The following NDEL1 variants were observed in gnomAD, a reference collection of about 807,000 sequenced individuals.
NDEL1 encodes the protein nuclear distribution protein nudE-like 1.
Under a neutral mutation model 45.7 loss-of-function variants are expected in NDEL1, and 9 were observed. The ratio of observed to expected loss-of-function variants is 0.20; its 90% CI spans 0.12 to 0.34. The LOEUF (loss-of-function observed/expected upper bound fraction) is 0.34. NDEL1 is among the 10% of genes least tolerant of loss of function. NDEL1 has a pLI of 1.00. For synonymous variants in NDEL1, 133 were observed against 158.6 expected (o/e 0.84, Z 1.21); for missense variants, 306 against 406.2 (o/e 0.75, Z 2.12).
chr17:8,459,453 G>T (rs1911058296), intron 7 of NDEL1, among the ~76,000 whole-genome samples: 1 of 152,244 alleles, frequency 6.6e-6, no homozygotes, highest in South Asian at 2.1e-4. Flanking sequence ...CAGACAAAGG[G>T]TATCAGTTAA....
chr17:8,469,494 G>A (rs1358065194), downstream of NDEL1, among the ~76,000 whole-genome samples: 1 of 152,154 alleles, frequency 6.6e-6, no homozygotes, highest in Non-Finnish European at 1.5e-5. Flanking sequence ...TGGAGGAAGG[G>A]CCCTGGCTAC....
chr17:8,448,428 TTTGA>T (rs1448382751), intron 4 of NDEL1, 118 bp from the exon 5 acceptor site: 9 of 1,044,210 alleles, frequency 8.6e-6, no homozygotes, highest in Non-Finnish European at 1.2e-5. Flanking sequence ...GATCATCTTC[TTTGA>T]TTGGGGCCAG....
intron 6 of NDEL1, among the ~76,000 whole-genome samples, chr17:8,452,131 A>G (rs771401235): frequency 2.0e-5 from 3 of 152,206 alleles, no homozygotes; most frequent in Non-Finnish European, 4.4e-5. Flanking sequence ...AGGGCAGGCA[A>G]TAGATTATTA....
intron 8 of NDEL1, among the ~76,000 whole-genome samples, chr17:8,463,609 T>C (rs1911382528): frequency 6.6e-6 from 1 of 152,180 alleles, no homozygotes; most frequent in Non-Finnish European, 1.5e-5. Flanking sequence ...GTGGCACGCC[T>C]GAGATGGGCT....
rs1200272341 is a variant in NDEL1 at position 8,466,931 on chromosome 17, G to T, written c.946G>T (p.Ala316Ser). ...TCTGTGCTCTGGTTGCTCCCACAGG[G>T]CAGTAAACGGCTTTGACCCCGCTCC... ...SGHTSFFDKG[A>S]VNGFDPAPPP... is the part of the protein sequence containing the mutation. Residue 316 changes from alanine to serine, a missense_variant and splice_region_variant, in exon 9 of 9, where the codon GCA (alanine) becomes TCA (serine). Transcript: ENST00000334527. 1 of 1,614,160 alleles carries T rather than the reference G, an allele frequency of 6.2e-7. No individual in the cohort carries two copies. The highest frequency in any genetic ancestry group is 2.2e-5 in the East Asian group (1 of 44,878).
upstream of NDEL1, chr17:8,435,848 C>A (rs1477583211): frequency 2.2e-6 from 1 of 446,430 alleles, no homozygotes; most frequent in South Asian, 1.6e-5. Flanking sequence ...CGAGCCCCGC[C>A]CCCGTGCGTC....
At chr17:8,472,533 C>CG (rs1305075678), downstream of NDEL1, among the ~76,000 whole-genome samples, 1 of 152,070 alleles carries the variant, frequency 6.6e-6, no homozygotes, top group Non-Finnish European at 1.5e-5. Flanking sequence ...GGCCTGGTGG[C>CG]GGGCGCCTGT....
intron 1 of NDEL1, among the ~76,000 whole-genome samples, chr17:8,439,021 A>C (rs1381703884): frequency 6.8e-6 from 1 of 147,824 alleles, no homozygotes; most frequent in Non-Finnish European, 1.5e-5. Flanking sequence ...GGCTCACTGC[A>C]AGTTCTGCCT....
intron 1 of NDEL1, among the ~76,000 whole-genome samples, chr17:8,418,771 CCCTA>C (rs1908633140): frequency 6.9e-6 from 1 of 144,370 alleles, no homozygotes; most frequent in South Asian, 2.5e-4. Context: ...CTCCCTCCCT[CCCTA>C]CCTCCCTCCT....
chr17:8,421,536 C>T (rs553133712), intron 1 of NDEL1, among the ~76,000 whole-genome samples: 2 of 152,300 alleles, frequency 1.3e-5, no homozygotes, highest in East Asian at 1.9e-4. Context: ...AACTGACTCT[C>T]TCCGAGCTTT....
At chr17:8,416,938 T>C (rs745485011) in intron 1 of NDEL1, among the ~76,000 whole-genome samples, 8 of 152,188 alleles carry the variant, frequency 5.3e-5, no homozygotes, top group African/African-American at 1.2e-4. Flanking sequence ...TCAACCCTCA[T>C]TGATTTTTAA....
chr17:8,467,427 C>T lies in NDEL1; in HGVS notation c.*404C>T. On this transcript the variant is annotated 3_prime_UTR_variant, in exon 9 of 9. Coordinates refer to ENST00000334527, the MANE Select transcript of NDEL1 (RefSeq NM_030808.5). The surrounding 1 kb of genome is among the most constrained non-coding windows in gnomAD (Gnocchi z 6.3). ...CTAGAAGTTCTCCCCCAAATCAGGT[C>T]AATGTGTGCCCTCCTGAGCTCCCAC... 2.5e-6 allele frequency: 1 copy of T among 403,584 alleles called. No individual in the cohort carries two copies. The allele number at this position is 403,584 out of a possible 1,614,324, so 25.0% of individuals were successfully genotyped here.
intron 1 of NDEL1, among the ~76,000 whole-genome samples, chr17:8,417,877 C>A (rs1486481908): frequency 6.6e-6 from 1 of 152,224 alleles, no homozygotes; most frequent in Non-Finnish European, 1.5e-5. Flanking sequence ...CCTTCTCCTG[C>A]TGGGGTGGGA....
At position 8,467,001 on chromosome 17, in the gene NDEL1, G is replaced by A; in HGVS notation, c.1016G>A (p.Gly339Asp). 6.2e-7 allele frequency: 1 copy of A among 1,614,144 alleles called. No homozygotes were observed. The highest frequency in any genetic ancestry group is 8.5e-7 in the Non-Finnish European group (1 of 1,180,024). Residue 339 changes from glycine to aspartate, a missense_variant, in exon 9 of 9, where the codon GGT becomes GAT. Around this residue, in one of 3 missense-constraint regions of NDEL1, gnomAD observed 175 missense variants for 205.2 expected, o/e 0.85. Coordinates refer to ENST00000334527, the MANE Select transcript of NDEL1 (RefSeq NM_030808.5). The surrounding 1 kb of genome is among the most constrained non-coding windows in gnomAD (Gnocchi z 6.3). ...TCCTCGCGTCCATCGTCAGCGCCGG[G>A]TATGCTGCCTCTCAGTGTGTGAGTG... The part of the protein sequence containing the change: ...LGSSRPSSAP[G>D]MLPLSV
At chr17:8,463,774 C>T (rs1435565193) in intron 8 of NDEL1, among the ~76,000 whole-genome samples, 2 of 152,246 alleles carry the variant, frequency 1.3e-5, no homozygotes, top group Admixed American at 6.5e-5. Context: ...GTGAGCATTC[C>T]CTCACCTCTG....
chr17:8,444,165 C>A, intron 1 of NDEL1, 95 bp from the exon 2 acceptor site: 1 of 760,684 alleles, frequency 1.3e-6, no homozygotes, highest in Non-Finnish European at 2.2e-6. Context: ...TTATTCCCTC[C>A]AAAATGCTGC....
chr17:8,454,047 A>G (rs1160876840), intron 6 of NDEL1, among the ~76,000 whole-genome samples: 1 of 152,210 alleles, frequency 6.6e-6, no homozygotes, highest in African/African-American at 2.4e-5. Flanking sequence ...TCTTATAGAC[A>G]ACTATAATTT....
chr17:8,432,661 G>A (rs1262014445), upstream of NDEL1, among the ~76,000 whole-genome samples: 1 of 152,142 alleles, frequency 6.6e-6, no homozygotes. Flanking sequence ...TGGGATTACA[G>A]GCATGAGCCA....
chr17:8,448,462 G>A (rs1025904845), intron 4 of NDEL1, 88 bp from the exon 5 acceptor site: 10 of 1,398,684 alleles, frequency 7.1e-6, no homozygotes, highest in Non-Finnish European at 9.7e-6. Flanking sequence ...GTCAGGAAAT[G>A]TCACGAGATA....
Sources: allele counts gnomAD v4.1 joint callset (sites outside exome capture counted in the v4.1 genomes callset), GRCh38; gene constraint gnomAD v4.1.1; regional missense constraint gnomAD v4.1.1; non-coding constraint Gnocchi (gnomAD v3.1); transcripts MANE v1.5; gene names NCBI Gene and HGNC (gene_info 2026-07-23, HGNC 2026-07-21).